Variants in RYR3 observed in about 807,000 individuals in gnomAD.
RYR3 encodes the protein ryanodine receptor 3, also known as brain ryanodine receptor-calcium release channel.
Under a neutral mutation model 584.3 loss-of-function variants are expected in RYR3, and 207 were observed. The observed-to-expected ratio is 0.35, with a 90% CI of 0.32 to 0.40. The LOEUF is 0.40. RYR3 is among the 10% of genes least tolerant of loss of function. The probability of loss-of-function intolerance (pLI) is 1.00; values close to 1 mark genes in which losing one functional copy is unlikely to be tolerated. For synonymous variants in RYR3, 2,416 were observed against 2,248.5 expected, an observed-to-expected ratio of 1.07 and a Z score of -2.11; for missense variants, 5,616 against 6,089.2, an observed-to-expected ratio of 0.92 and a Z score of 2.59.
intron 77 of RYR3, 67 bp downstream of exon 77, chr15:33,819,874 GA>G: frequency 7.8e-7 from 1 of 1,289,392 alleles, no homozygotes; most frequent in Non-Finnish European, 1.1e-6. Context: ...TTAGGCGCAT[GA>G]AAATTGTCAT....
chr15:33,552,500 G>T (rs1185017427), intron 10 of RYR3, among the ~76,000 whole-genome samples: 1 of 152,182 alleles, frequency 6.6e-6, no homozygotes, highest in African/African-American at 2.4e-5. Context: ...ACATTGTCCT[G>T]TGCACTTGGC....
At chr15:33,845,212 G>C in intron 93 of RYR3, 150 bp downstream of exon 93, 1 of 688,224 alleles carries the variant, frequency 1.5e-6, no homozygotes. Flanking sequence ...CTTGGGAGCT[G>C]CCTAGACCTG....
intron 3 of RYR3, among the ~76,000 whole-genome samples, chr15:33,524,919 T>C (rs145420313): frequency 7.1e-4 from 108 of 152,332 alleles, no homozygotes; most frequent in Middle Eastern, 6.8e-3. Flanking sequence ...GTCTATTAAA[T>C]GTTGGTGTTT....
intron 3 of RYR3, among the ~76,000 whole-genome samples, chr15:33,514,221 G>A (rs557261086): frequency 3.9e-5 from 6 of 152,074 alleles, no homozygotes; most frequent in African/African-American, 7.2e-5. Context: ...GTTTTTGTTC[G>A]AGAGAGAAAC....
At chr15:33,672,990 T>G (rs1352719986) in intron 38 of RYR3, among the ~76,000 whole-genome samples, 7 of 152,144 alleles carry the variant, frequency 4.6e-5, no homozygotes, top group African/African-American at 1.7e-4. Context: ...GTAAAGTGAG[T>G]AAAGCTATGG....
intron 52 of RYR3, among the ~76,000 whole-genome samples, chr15:33,742,769 G>A (rs969714292): frequency 2.0e-5 from 3 of 151,916 alleles, no homozygotes; most frequent in African/African-American, 4.8e-5. Context: ...GGAATGGGAA[G>A]GCTGCTATTT....
At chr15:33,481,127 G>C (rs142875928) in intron 2 of RYR3, among the ~76,000 whole-genome samples, 22 of 152,168 alleles carry the variant, frequency 1.4e-4, no homozygotes, top group East Asian at 5.8e-4. Context: ...GTAGCCATAA[G>C]CTTTCTTATG....
intron 64 of RYR3, among the ~76,000 whole-genome samples, chr15:33,778,313 C>T (rs574432458): frequency 4.6e-4 from 70 of 152,256 alleles, no homozygotes; most frequent in Non-Finnish European, 9.3e-4. Flanking sequence ...CTTATTTCTT[C>T]CTCCAATTCA....
chr15:33,414,206 A>G (rs2043615283), intron 1 of RYR3, among the ~76,000 whole-genome samples: 1 of 152,248 alleles, frequency 6.6e-6, no homozygotes, highest in African/African-American at 2.4e-5. Context: ...GATAAAAATT[A>G]CAAAAATATT....
intron 65 of RYR3, among the ~76,000 whole-genome samples, chr15:33,785,392 T>TC (rs1239805916): frequency 6.6e-6 from 1 of 152,136 alleles, no homozygotes; most frequent in African/African-American, 2.4e-5. Flanking sequence ...GAACTAACTA[T>TC]CCCTCATCCT....
At position 33,780,010 on chromosome 15, in the gene RYR3, C is replaced by CA. The variant is rs536842845; in HGVS notation, c.9138-192dup. On this transcript the variant is annotated intron_variant, in intron 64 of 103. Transcript: ENST00000634891. Reference sequence around the variant, plus strand: ...TGGGTGACAGAGCAAGACTCCGTCTCAAAAAAAAAGAACTAGGATCTAAGC... The same window carrying CA: ...TGGGTGACAGAGCAAGACTCCGTCTCAAAAAAAAAAGAACTAGGATCTAAGC... Among the ~76,000 whole-genome samples the CA allele has an allele frequency of 4.2e-3, 632 of 149,736 alleles. 4 individuals are homozygous for CA. The highest frequency in any genetic ancestry group is 0.014 in the African/African-American group (587 of 40,802).
rs148037145 is a variant in RYR3, at chr15:33,485,675, C to T, written c.171+12137C>T. On this transcript the variant is annotated intron_variant, in intron 2 of 103. Transcript: ENST00000634891. The stretch of plus-strand genomic sequence containing the variant: ...ATGGCATTTCCAAATAGTGTGAGAG[C>T]ATAGGGTTGAAGACCACTTGAGGAT... 7.3e-3 allele frequency among the ~76,000 whole-genome samples: 1,107 copies of T among 152,292 alleles called. 8 individuals are homozygous for T. The highest frequency in any genetic ancestry group is 0.023 in the African/African-American group (955 of 41,560).
chr15:33,573,784 C>G (rs1015123332), intron 12 of RYR3, among the ~76,000 whole-genome samples: 2 of 152,148 alleles, frequency 1.3e-5, no homozygotes, highest in African/African-American at 4.8e-5. Flanking sequence ...TCTGACTTAT[C>G]TCTATACATT....
intron 1 of RYR3, among the ~76,000 whole-genome samples, chr15:33,458,093 G>T (rs951522855): frequency 6.6e-6 from 1 of 152,134 alleles, no homozygotes; most frequent in Non-Finnish European, 1.5e-5. Flanking sequence ...TGCCCAGATA[G>T]CTGGTAAAAC....
chr15:33,760,064 T>C (rs1366993155), intron 60 of RYR3, among the ~76,000 whole-genome samples: 2 of 152,050 alleles, frequency 1.3e-5, no homozygotes, highest in Non-Finnish European at 2.9e-5. Flanking sequence ...AGAAATAAAA[T>C]CCTTTACAGA....
chr15:33,581,491 T>C lies in RYR3; in HGVS notation c.1438-17T>C, dbSNP rs753127099. 9.3e-6 allele frequency: 15 copies of C among 1,611,798 alleles called. 1 individual carries two copies. The Admixed American group carries it at 2.3e-4, about 25-fold the overall frequency. On this transcript the variant is annotated splice_polypyrimidine_tract_variant and intron_variant, in intron 13 of 103. Coordinates refer to ENST00000634891, the MANE Select transcript of RYR3 (RefSeq NM_001036.6). ...TTAATCAGCAATGTTTACATTTTCC[T>C]CCACTCTCCTTCTCAGGGAATGTTG...
At chr15:33,544,054 T>C (rs2056046312) in intron 8 of RYR3, among the ~76,000 whole-genome samples, 1 of 152,134 alleles carries the variant, frequency 6.6e-6, no homozygotes, top group Non-Finnish European at 1.5e-5. Flanking sequence ...GTGGACTTCA[T>C]TGATTTGGTT....
intron 64 of RYR3, 52 bp from the exon 65 acceptor site, chr15:33,780,159 T>C: frequency 6.3e-7 from 1 of 1,596,534 alleles, no homozygotes; most frequent in Non-Finnish European, 8.5e-7. Flanking sequence ...TGCCAATGCA[T>C]GGGGCCAGCA....
At chr15:33,770,066 C>T (rs573222205) in intron 62 of RYR3, among the ~76,000 whole-genome samples, 1 of 151,084 alleles carries the variant, frequency 6.6e-6, no homozygotes, top group East Asian at 1.9e-4. Flanking sequence ...TGCCTATAGT[C>T]GAAGCTACTC....
Sources: allele counts gnomAD v4.1 joint callset (sites outside exome capture counted in the v4.1 genomes callset), GRCh38; gene constraint gnomAD v4.1.1; transcripts MANE v1.5; gene names NCBI Gene and HGNC (gene_info 2026-07-23, HGNC 2026-07-21).